RGL1: variants seen among roughly 807,000 people sequenced by gnomAD.
The protein encoded by RGL1 is ral guanine nucleotide dissociation stimulator-like 1.
Under a neutral mutation model 95.2 loss-of-function variants are expected in RGL1, and 24 were observed. The observed-to-expected ratio is 0.25, with a 90% confidence interval of 0.18 to 0.35. RGL1 has a LOEUF of 0.35. Ranked by LOEUF, RGL1 falls within the 10% of genes least tolerant of loss-of-function variation. The probability of loss-of-function intolerance (pLI) is 1.00; values close to 1 mark genes in which losing one functional copy is unlikely to be tolerated. For missense variants in RGL1, 715 were observed against 936.3 expected, an observed-to-expected ratio of 0.76 and a Z score of 3.08; for synonymous variants, 329 against 344.9, an observed-to-expected ratio of 0.95 and a Z score of 0.51.
intron 1 of RGL1, among the ~76,000 whole-genome samples, chr1:183,733,199 T>G (rs1656733638): frequency 6.6e-6 from 1 of 152,158 alleles, no homozygotes; most frequent in Non-Finnish European, 1.5e-5. Context: ...AAAATAGGGA[T>G]TGTATCTTCT....
chr1:183,720,931 G>T lies in RGL1; in HGVS notation c.-32-21195G>T, dbSNP rs1655982197. Among the ~76,000 whole-genome samples the T allele has an allele frequency of 3.3e-5, 5 of 152,274 alleles. No individual in the cohort carries two copies. In the South Asian group the frequency reaches 1.0e-3, roughly 32 times the overall value. On this transcript the variant is annotated intron_variant, in intron 1 of 18. Coordinates refer to the RGL1 transcript ENST00000304685. ...GGATGACTTGGAGAGAGCTCTGATTGGGTGGTGGTATAATTGAGTATAACA... is the reference window on the plus strand; with the variant it reads ...GGATGACTTGGAGAGAGCTCTGATTTGGTGGTGGTATAATTGAGTATAACA...
At chr1:183,895,779 C>A (rs1209871900) in intron 9 of RGL1, among the ~76,000 whole-genome samples, 3 of 152,116 alleles carry the variant, frequency 2.0e-5, no homozygotes, top group Admixed American at 6.5e-5. Flanking sequence ...GTTGACACCT[C>A]ATTTGGAATA....
chr1:183,899,704 C>G (rs1667905926), intron 10 of RGL1, among the ~76,000 whole-genome samples: 1 of 152,188 alleles, frequency 6.6e-6, no homozygotes, highest in South Asian at 2.1e-4. Flanking sequence ...GAGTTAGTCA[C>G]CAAGTCTAGC....
At chr1:183,757,875 T>G (rs1658439888) in intron 2 of RGL1, among the ~76,000 whole-genome samples, 1 of 152,222 alleles carries the variant, frequency 6.6e-6, no homozygotes, top group African/African-American at 2.4e-5. Flanking sequence ...TATAATCTCC[T>G]CATGAAGCAA....
intron 1 of RGL1, among the ~76,000 whole-genome samples, chr1:183,692,068 TAC>T (rs1653976202): frequency 6.6e-6 from 1 of 150,958 alleles, no homozygotes; most frequent in Non-Finnish European, 1.5e-5. Context: ...TATATATTAT[TAC>T]ATTATTCTGT....
At chr1:183,856,642 A>G (rs1229547924) in intron 3 of RGL1, among the ~76,000 whole-genome samples, 1 of 149,032 alleles carries the variant, frequency 6.7e-6, no homozygotes. Context: ...ATATTTTTAT[A>G]TATATATATA....
At chr1:183,847,429 T>G in intron 2 of RGL1, 137 bp from the exon 3 acceptor site, 1 of 777,928 alleles carries the variant, frequency 1.3e-6, no homozygotes, top group Non-Finnish European at 2.1e-6. Flanking sequence ...CTCTCCAGCC[T>G]GGGTAACAAA....
At chr1:183,655,188 A>G (rs766413617) in intron 1 of RGL1, among the ~76,000 whole-genome samples, 1 of 152,222 alleles carries the variant, frequency 6.6e-6, no homozygotes, top group Non-Finnish European at 1.5e-5. Flanking sequence ...AATGATCTAA[A>G]TTTTTAAGAG....
chr1:183,788,603 T>G (rs977378103), intron 2 of RGL1, among the ~76,000 whole-genome samples: 3 of 152,210 alleles, frequency 2.0e-5, no homozygotes, highest in African/African-American at 7.2e-5. Context: ...TAGTACTTTA[T>G]GCACAGTACA....
At chr1:183,723,290 CA>C (rs1381101785) in intron 1 of RGL1, among the ~76,000 whole-genome samples, 8 of 152,288 alleles carry the variant, frequency 5.3e-5, no homozygotes, top group Admixed American at 1.3e-4. Context: ...GTCCTCCTTG[CA>C]GGAACACCAA....
At chr1:183,866,213 C>T (rs1665827470) in intron 4 of RGL1, 140 bp downstream of exon 4, 1 of 645,976 alleles carries the variant, frequency 1.5e-6, no homozygotes, top group Non-Finnish European at 2.7e-6. Flanking sequence ...TTTTGATTAC[C>T]TAACAATATT....
At chr1:183,771,159 T>G (rs763084218) in intron 2 of RGL1, among the ~76,000 whole-genome samples, 2 of 152,212 alleles carry the variant, frequency 1.3e-5, no homozygotes, top group Non-Finnish European at 2.9e-5. Context: ...AAAAATCTAC[T>G]GGACATTTGC....
In RGL1 at chr1:183,695,452, A is replaced by C. The variant is rs185600848; in HGVS notation, c.-32-46674A>C. 8.5e-5 allele frequency among the ~76,000 whole-genome samples: 13 copies of C among 152,342 alleles called. No homozygotes were observed. In the East Asian group the frequency reaches 2.3e-3, roughly 27 times the overall value. On this transcript the variant is annotated intron_variant, in intron 1 of 18. Coordinates refer to the RGL1 transcript ENST00000304685. ...TATTATGATTCCTGTTCTACAGAAA[A>C]AGAAACCAGGTTTCAGAGAATTTAT... is the stretch of plus-strand genomic sequence containing the variant.
At chr1:183,776,141 ATTTT>A (rs66738956) in intron 2 of RGL1, among the ~76,000 whole-genome samples, 2 of 88,828 alleles carry the variant, frequency 2.3e-5, no homozygotes, top group African/African-American at 9.4e-5. Context: ...GGGAATACAG[ATTTT>A]TTTTTTTTTT....
At chr1:183,828,375 TTG>T (rs1297878586) in intron 2 of RGL1, among the ~76,000 whole-genome samples, 1 of 152,146 alleles carries the variant, frequency 6.6e-6, no homozygotes, top group Non-Finnish European at 1.5e-5. Flanking sequence ...GTTGCTGAGT[TTG>T]TGATTTATTT....
chr1:183,875,607 G>T (rs960009538), intron 4 of RGL1, among the ~76,000 whole-genome samples: 1 of 152,096 alleles, frequency 6.6e-6, no homozygotes, highest in Non-Finnish European at 1.5e-5. Flanking sequence ...CAGCTGCGGT[G>T]GCTCATGCCT....
intron 3 of RGL1, among the ~76,000 whole-genome samples, chr1:183,860,895 G>A (rs1051023400): frequency 1.3e-5 from 2 of 152,126 alleles, no homozygotes; most frequent in Non-Finnish European, 2.9e-5. Flanking sequence ...GACTAAATGA[G>A]TGAAAGAATG....
At chr1:183,814,492 G>A (rs1661951565) in intron 2 of RGL1, among the ~76,000 whole-genome samples, 1 of 151,976 alleles carries the variant, frequency 6.6e-6, no homozygotes, top group Admixed American at 6.6e-5. Flanking sequence ...TGCCATCTGT[G>A]GTCCATTCAT....
At chr1:183,894,257 G>A (rs1422412838) in intron 9 of RGL1, among the ~76,000 whole-genome samples, 1 of 152,208 alleles carries the variant, frequency 6.6e-6, no homozygotes, top group African/African-American at 2.4e-5. Flanking sequence ...GCAGCTCATT[G>A]CCTGGTAGCA....
Sources: allele counts gnomAD v4.1 joint callset (sites outside exome capture counted in the v4.1 genomes callset), GRCh38; gene constraint gnomAD v4.1.1; transcripts MANE v1.5; gene names NCBI Gene and HGNC (gene_info 2026-07-23, HGNC 2026-07-21).